MAP2: variants seen among roughly 807,000 people sequenced by gnomAD.
MAP2 encodes microtubule associated protein 2.
A neutral mutation model predicts 137.6 loss-of-function variants in MAP2; 14 were observed. The ratio of observed to expected loss-of-function variants is 0.10; its 90% CI spans 0.07 to 0.16. MAP2 has a LOEUF of 0.16. MAP2 is among the 10% of genes least tolerant of loss of function. The pLI, the probability that MAP2 is intolerant of heterozygous loss-of-function variation, is 1.00. For synonymous variants in MAP2, 786 were observed against 782.3 expected (o/e 1.00, Z -0.08); for missense variants, 2,088 against 2,191.5 (o/e 0.95, Z 0.94).
At chr2:209,644,764 G>T (rs531327593) in intron 4 of MAP2, among the ~76,000 whole-genome samples, 14 of 151,792 alleles carry the variant, frequency 9.2e-5, no homozygotes, top group African/African-American at 3.4e-4. Flanking sequence ...TCATGGTTTG[G>T]TTATGCACAC....
intron 1 of MAP2, among the ~76,000 whole-genome samples, chr2:209,470,897 T>G (rs756608145): frequency 7.2e-5 from 11 of 152,222 alleles, no homozygotes; most frequent in Non-Finnish European, 1.5e-4. Flanking sequence ...TGACAATGAC[T>G]TACTGATTTT....
At chr2:209,470,308 T>C (rs976274891) in intron 1 of MAP2, among the ~76,000 whole-genome samples, 1 of 152,132 alleles carries the variant, frequency 6.6e-6, no homozygotes, top group Admixed American at 6.5e-5. Context: ...GTTTTACATA[T>C]GGCAAGGGAT....
chr2:209,440,778 G>C (rs1367135211), intron 1 of MAP2, among the ~76,000 whole-genome samples: 1 of 151,418 alleles, frequency 6.6e-6, no homozygotes, highest in Non-Finnish European at 1.5e-5. Flanking sequence ...TTCAGCAAGT[G>C]TTTATTAAGA....
chr2:209,496,189 C>T (rs974009503), intron 1 of MAP2, among the ~76,000 whole-genome samples: 5 of 152,122 alleles, frequency 3.3e-5, no homozygotes, highest in Non-Finnish European at 7.4e-5. Flanking sequence ...AGTCATTCCA[C>T]ATTTATAGAT....
intron 2 of MAP2, among the ~76,000 whole-genome samples, chr2:209,528,213 A>G (rs913787694): frequency 1.3e-5 from 2 of 151,666 alleles, no homozygotes; most frequent in African/African-American, 4.8e-5. Flanking sequence ...AACTTCCCAC[A>G]TGGTATATGT....
At chr2:209,562,037 A>C (rs2072237256) in intron 2 of MAP2, among the ~76,000 whole-genome samples, 2 of 152,214 alleles carry the variant, frequency 1.3e-5, no homozygotes, top group Admixed American at 6.5e-5. Flanking sequence ...TGAAGTTATA[A>C]ATTTGGGAAA....
At chr2:209,450,628 G>A (rs1700099089) in intron 1 of MAP2, among the ~76,000 whole-genome samples, 1 of 152,272 alleles carries the variant, frequency 6.6e-6, no homozygotes, top group South Asian at 2.1e-4. Flanking sequence ...CAGAATGTCT[G>A]TAATGAAGAT....
intron 3 of MAP2, among the ~76,000 whole-genome samples, chr2:209,620,744 T>C (rs1482257171): frequency 6.6e-6 from 1 of 152,202 alleles, no homozygotes; most frequent in Non-Finnish European, 1.5e-5. Flanking sequence ...AGCTAAAATA[T>C]TGTTATCCTG....
Position 209,693,658 on chromosome 2 carries a change from G to A in MAP2, c.1488G>A (p.Gln496=), listed in dbSNP as rs2059503628. Residue 496 remains glutamine (Q), a synonymous_variant, in exon 8 of 16, where the codon CAG becomes CAA. Transcript: ENST00000682079. Reference sequence around the variant, plus strand: ...AGCCTACCACAGATATGTTGAAACAGGACTCGTTCCCTGTAAGTTTGGAGC... The same window carrying A: ...AGCCTACCACAGATATGTTGAAACAAGACTCGTTCCCTGTAAGTTTGGAGC... The part of the protein sequence containing the change: ...DQEPTTDMLK[Q]DSFPVSLEQA... 1 of 1,613,712 alleles carries A rather than the reference G, an allele frequency of 6.2e-7. No homozygotes were observed. The highest frequency in any genetic ancestry group is 1.7e-5 in the Admixed American group (1 of 59,976).
intron 2 of MAP2, among the ~76,000 whole-genome samples, chr2:209,550,283 T>C (rs543471304): frequency 4.2e-4 from 64 of 152,246 alleles, no homozygotes; most frequent in Non-Finnish European, 8.1e-4. Flanking sequence ...ATATATCTTA[T>C]GGAAAAATGA....
At chr2:209,519,082 T>A (rs1435958568) in intron 2 of MAP2, among the ~76,000 whole-genome samples, 1 of 152,012 alleles carries the variant, frequency 6.6e-6, no homozygotes, top group African/African-American at 2.4e-5. Flanking sequence ...AAAAACAAAA[T>A]CTTATACCAA....
intron 1 of MAP2, among the ~76,000 whole-genome samples, chr2:209,453,193 TG>T (rs1248712566): frequency 3.3e-5 from 5 of 152,144 alleles, no homozygotes; most frequent in African/African-American, 4.8e-5. Context: ...ACAAAATAAG[TG>T]TAGCGATGTT....
At chr2:209,690,312 G>T (rs1235727598) in intron 7 of MAP2, among the ~76,000 whole-genome samples, 1 of 151,774 alleles carries the variant, frequency 6.6e-6, no homozygotes, top group Non-Finnish European at 1.5e-5. Flanking sequence ...TTCCAATAAG[G>T]GTAATCAATC....
chr2:209,568,264 A>G (rs572929923), intron 2 of MAP2, among the ~76,000 whole-genome samples: 1 of 151,948 alleles, frequency 6.6e-6, no homozygotes, highest in Admixed American at 6.6e-5. Flanking sequence ...GGATTTCATA[A>G]ATTTTTGGAA....
chr2:209,700,473 T>G, intron 11 of MAP2, 135 bp downstream of exon 11: 1 of 668,502 alleles, frequency 1.5e-6, no homozygotes, highest in South Asian at 2.2e-5. Context: ...ACCCAGAAGA[T>G]TCTCCGTGGC....
chr2:209,532,081 C>A (rs288089), intron 2 of MAP2, among the ~76,000 whole-genome samples: 41,664 of 151,254 alleles, frequency 0.28, 9,656 homozygotes, highest in African/African-American at 0.64. Context: ...TCTACAAAAA[C>A]TAAAAAAATT....
intron 3 of MAP2, among the ~76,000 whole-genome samples, chr2:209,582,021 A>G (rs2076538228): frequency 6.6e-6 from 1 of 152,132 alleles, no homozygotes; most frequent in Non-Finnish European, 1.5e-5. Flanking sequence ...TGGTTTTTCT[A>G]GTCAATATTG....
In MAP2 at chr2:209,695,228, A is replaced by C; in HGVS notation, c.3058A>C (p.Ser1020Arg). The C allele has an allele frequency of 6.2e-7, 1 of 1,614,160 alleles. No homozygotes were observed. The highest frequency in any genetic ancestry group is 8.5e-7 in the Non-Finnish European group (1 of 1,180,018). ...CTCTGAGAAAGCAGAGAAGGGTCTT[A>C]GTTCAGTGCCAGAGATAGCTGAGGT... is the stretch of plus-strand genomic sequence containing the variant. ...ASSEKAEKGLSSVPEIAEVEP... is the reference protein window; with the variant it reads ...ASSEKAEKGLRSVPEIAEVEP... Residue 1020 changes from serine to arginine, a missense_variant, in exon 8 of 16, where the codon AGT (serine) becomes CGT (arginine). Ser to Arg is a moderately radical substitution (Grantham distance 110, BLOSUM62 -1). Around this residue, in one of 6 missense-constraint regions of MAP2, gnomAD observed 500 missense variants for 482.9 expected, o/e 1.04. Transcript: ENST00000682079.
At chr2:209,636,563 T>TTA (rs112634424) in intron 4 of MAP2, among the ~76,000 whole-genome samples, 9,558 of 148,382 alleles carry the variant, frequency 0.064, 530 homozygotes, top group African/African-American at 0.15. Flanking sequence ...TACGTATATA[T>TTA]TATATATATA....
Sources: gnomAD v4.1 joint callset for allele counts (sites outside exome capture counted in the v4.1 genomes callset) on GRCh38, gnomAD v4.1.1 for gene constraint, gnomAD v4.1.1 regional missense constraint, MANE v1.5 for transcripts, NCBI Gene and HGNC (gene_info 2026-07-23, HGNC 2026-07-21) for gene names.